The following IGF2R variants were observed in gnomAD, a reference collection of about 807,000 sequenced individuals.
IGF2R encodes cation-independent mannose-6-phosphate receptor.
IGF2R carries 91 observed loss-of-function variants against 270.6 expected under a neutral mutation model. That is an observed-to-expected ratio of 0.34 (90% confidence interval 0.28 to 0.40). The LOEUF (loss-of-function observed/expected upper bound fraction) is 0.40, where lower values mean the gene tolerates loss of function less well. Among genes scored for constraint, IGF2R ranks in the 10% least tolerant of loss-of-function variants. The pLI is 1.00. For synonymous variants in IGF2R, 1,316 were observed against 1,258.9 expected (o/e 1.05, Z -0.96); for missense variants, 2,805 against 3,188.3 (o/e 0.88, Z 2.90).
chr6:160,100,591 AAAGC>A (rs1446613286), intron 45 of IGF2R, among the ~76,000 whole-genome samples: 2 of 152,134 alleles, frequency 1.3e-5, no homozygotes, highest in East Asian at 1.9e-4. Context: ...AGCACAGTGA[AAAGC>A]AAGATTTAAT....
intron 1 of IGF2R, among the ~76,000 whole-genome samples, chr6:159,980,209 AAGAAAG>A (rs911959733): frequency 2.0e-5 from 2 of 98,654 alleles, no homozygotes; most frequent in Non-Finnish European, 2.0e-5. Flanking sequence ...GAAAGAAAGA[AAGAAAG>A]AAAGAAAGAA....
At chr6:160,042,025 A>G (rs1204798201) in intron 11 of IGF2R, among the ~76,000 whole-genome samples, 1 of 151,854 alleles carries the variant, frequency 6.6e-6, no homozygotes, top group Non-Finnish European at 1.5e-5. Flanking sequence ...TACTGTGTAT[A>G]AGAGACAACC....
chr6:160,015,749 T>C (rs1777275619), intron 4 of IGF2R, among the ~76,000 whole-genome samples: 2 of 152,192 alleles, frequency 1.3e-5, no homozygotes, highest in Non-Finnish European at 2.9e-5. Flanking sequence ...TCCCTAATGC[T>C]GGAGGTGGGG....
At chr6:159,981,264 C>CGTGTGTGAGTGCACGA (rs1376588226) in intron 1 of IGF2R, among the ~76,000 whole-genome samples, 1 of 151,930 alleles carries the variant, frequency 6.6e-6, no homozygotes, top group Non-Finnish European at 1.5e-5. Context: ...TGCGTGAGTG[C>CGTGTGTGAGTGCACGA]GTGTGTGAGT....
At chr6:160,024,823 A>G in intron 5 of IGF2R, 119 bp downstream of exon 5, 1 of 1,162,950 alleles carries the variant, frequency 8.6e-7, no homozygotes, top group Non-Finnish European at 1.2e-6. Flanking sequence ...TAGGCCCTCT[A>G]ATAAAGCTTT....
intron 2 of IGF2R, among the ~76,000 whole-genome samples, chr6:160,008,411 G>A (rs1283065654): frequency 1.3e-5 from 2 of 152,040 alleles, no homozygotes; most frequent in African/African-American, 4.8e-5. Flanking sequence ...CTAGTCTTTT[G>A]ATCAGTTTAT....
At chr6:160,035,200 C>T (rs1777791101) in intron 10 of IGF2R, among the ~76,000 whole-genome samples, 1 of 152,160 alleles carries the variant, frequency 6.6e-6, no homozygotes, top group South Asian at 2.1e-4. Context: ...GCAGGGCATC[C>T]CACCACTGCT....
At chr6:159,980,214 A>AGAAAGAAAGAAAGAAAGAAAGAAAG in intron 1 of IGF2R, among the ~76,000 whole-genome samples, 1 of 138,532 alleles carries the variant, frequency 7.2e-6, no homozygotes, top group Non-Finnish European at 1.6e-5. Context: ...AAAGAAAGAA[A>AGAAAGAAAGAAAGAAAGAAAGAAAG]GAAAGAAAGA....
chr6:160,017,503 A>C (rs1317921760), intron 4 of IGF2R, among the ~76,000 whole-genome samples: 1 of 152,252 alleles, frequency 6.6e-6, no homozygotes, highest in Non-Finnish European at 1.5e-5. Flanking sequence ...AAATATAGGA[A>C]GCTCAAAAAA....
At chr6:160,054,890 C>T (rs1156236251) in intron 19 of IGF2R, among the ~76,000 whole-genome samples, 1 of 152,232 alleles carries the variant, frequency 6.6e-6, no homozygotes, top group African/African-American at 2.4e-5. Flanking sequence ...TCAAGCCCCA[C>T]TGAAATGAGC....
At chr6:160,053,969 T>G (rs1281159324) in intron 19 of IGF2R, among the ~76,000 whole-genome samples, 1 of 152,196 alleles carries the variant, frequency 6.6e-6, no homozygotes, top group Admixed American at 6.5e-5. Flanking sequence ...TCCTCCTGCC[T>G]CAGCTTCCTA....
intron 4 of IGF2R, among the ~76,000 whole-genome samples, chr6:160,012,768 T>A (rs1269624700): frequency 0.04 from 2,527 of 63,328 alleles, 91 homozygotes; most frequent in African/African-American, 0.11. Flanking sequence ...TATATATTTT[T>A]TTTTTTTTTT....
rs200710526 is a variant in IGF2R at position 160,068,283 on chromosome 6, C to A, written c.4150C>A (p.Leu1384Met). ...GAGNSFDLSS[L>M]SRYSDNWEAI... Reference sequence around the variant, plus strand: ...TGGCAACTCCTTCGACCTCTCGTCCCTGTCAAGGTACAGTGACAACTGGGA... The same window carrying A: ...TGGCAACTCCTTCGACCTCTCGTCCATGTCAAGGTACAGTGACAACTGGGA... Residue 1384 changes from leucine (L) to methionine (M), a missense_variant, in exon 30 of 48, where the codon CTG (leucine) becomes ATG (methionine). By Grantham distance (15) the Leu-to-Met change is conservative. This residue lies in a region of IGF2R where 1,851 missense variants were observed against 2,207.2 expected (regional missense o/e 0.84). Coordinates refer to ENST00000356956, the MANE Select transcript of IGF2R (RefSeq NM_000876.4). The A allele has an allele frequency of 2.8e-4, 452 of 1,614,148 alleles. No individual in the cohort carries two copies. Among genetic ancestry groups the A allele is most frequent in the Non-Finnish European group, 3.5e-4 (411 of 1,180,060 alleles).
intron 21 of IGF2R, among the ~76,000 whole-genome samples, chr6:160,058,424 TACTG>T (rs377100108): frequency 5.9e-5 from 9 of 152,352 alleles, no homozygotes; most frequent in Admixed American, 1.3e-4. Context: ...GGTCTCTCCT[TACTG>T]TATCTTCACA....
chr6:160,017,861 T>C (rs1202271316), intron 4 of IGF2R, among the ~76,000 whole-genome samples: 3 of 151,902 alleles, frequency 2.0e-5, no homozygotes, highest in Non-Finnish European at 2.9e-5. Context: ...CCAAAGGAGG[T>C]CTATACAGGG....
chr6:160,015,787 G>C (rs188924482), intron 4 of IGF2R, among the ~76,000 whole-genome samples: 1 of 152,154 alleles, frequency 6.6e-6, no homozygotes, highest in South Asian at 2.1e-4. Context: ...AAATCATGGG[G>C]GTCCCTCATG....
intron 1 of IGF2R, among the ~76,000 whole-genome samples, chr6:159,970,631 C>T (rs938291835): frequency 1.3e-5 from 2 of 152,108 alleles, no homozygotes; most frequent in Admixed American, 6.5e-5. Context: ...GAGTTTGTGA[C>T]ACTAGTTTAA....
intron 1 of IGF2R, among the ~76,000 whole-genome samples, chr6:159,985,458 T>C (rs73594481): frequency 0.011 from 1,634 of 152,290 alleles, 28 homozygotes; most frequent in African/African-American, 0.037. Context: ...GGCATCACGT[T>C]CTGTGGGGAG....
At chr6:160,005,846 C>G (rs1175907811) in intron 2 of IGF2R, 1 of 152,286 alleles carries the variant, frequency 6.6e-6, no homozygotes, top group African/African-American at 2.4e-5. Flanking sequence ...TCCTAGGCCT[C>G]TCGCGCTTCC....
Sources: allele counts gnomAD v4.1 joint callset (sites outside exome capture counted in the v4.1 genomes callset), GRCh38; gene constraint gnomAD v4.1.1; regional missense constraint gnomAD v4.1.1; transcripts MANE v1.5; gene names NCBI Gene and HGNC (gene_info 2026-07-23, HGNC 2026-07-21).